EXOC2: variants seen among roughly 807,000 people sequenced by gnomAD.
EXOC2 encodes the protein SEC5-like 1.
EXOC2 carries 70 observed loss-of-function variants against 131.8 expected under a neutral mutation model. That is an observed-to-expected ratio of 0.53 (90% CI 0.44 to 0.65). The LOEUF (loss-of-function observed/expected upper bound fraction) is 0.65. Ranked by LOEUF, EXOC2 falls within the 30% of genes least tolerant of loss-of-function variation. EXOC2 has a pLI of 0.00. For missense variants in EXOC2, 923 were observed against 1,108.6 expected (o/e 0.83, Z 2.38); for synonymous variants, 411 against 398.4 (o/e 1.03, Z -0.38).
intron 7 of EXOC2, among the ~76,000 whole-genome samples, chr6:599,672 C>A (rs1760020051): frequency 6.6e-6 from 1 of 152,204 alleles, no homozygotes; most frequent in Admixed American, 6.5e-5. Context: ...AAATCATTTT[C>A]AGGAAAGTTG....
intron 2 of EXOC2, among the ~76,000 whole-genome samples, chr6:635,836 G>A (rs575101407): frequency 6.6e-6 from 1 of 152,382 alleles, no homozygotes; most frequent in African/African-American, 2.4e-5. Flanking sequence ...ACCGAGGCAG[G>A]CGGATCACGA....
intron 23 of EXOC2, among the ~76,000 whole-genome samples, chr6:527,372 C>CA (rs1765802792): frequency 6.6e-6 from 1 of 152,226 alleles, no homozygotes; most frequent in Admixed American, 6.5e-5. Context: ...AAAACATCTG[C>CA]AAGATACATT....
At chr6:598,740 G>T (rs2127640581) in intron 9 of EXOC2, 120 bp downstream of exon 9, 48 of 674,910 alleles carry the variant, frequency 7.1e-5, no homozygotes, top group Non-Finnish European at 8.5e-5. Flanking sequence ...GCTTTACATT[G>T]TAAAGAGAGC....
chr6:537,166 G>A (rs1052260015), intron 22 of EXOC2, among the ~76,000 whole-genome samples: 3 of 151,872 alleles, frequency 2.0e-5, no homozygotes, highest in Admixed American at 1.3e-4. Context: ...CCGACGGAGC[G>A]TACACTTGAG....
At chr6:596,233 A>C (rs1260493824) in intron 10 of EXOC2, among the ~76,000 whole-genome samples, 2 of 151,668 alleles carry the variant, frequency 1.3e-5, no homozygotes, top group Non-Finnish European at 2.9e-5. Flanking sequence ...CTCCTGGGCA[A>C]TACTAGTGTG....
intron 6 of EXOC2, among the ~76,000 whole-genome samples, chr6:612,508 C>T (rs911479487): frequency 3.9e-5 from 6 of 152,262 alleles, no homozygotes; most frequent in Admixed American, 3.9e-4. Flanking sequence ...AAACTGGTTA[C>T]GTAATCTGTG....
Position 662,204 on chromosome 6 carries a change from T to TG in EXOC2, c.-43-24344dup, listed in dbSNP as rs1182307722. Among the ~76,000 whole-genome samples, 75 of 152,012 alleles carry TG rather than the reference T, an allele frequency of 4.9e-4. 1 individual carries two copies. The highest frequency in any genetic ancestry group is 1.2e-4 in the Non-Finnish European group (8 of 67,974). The stretch of plus-strand genomic sequence containing the variant: ...GAGACAAACAGAAACACAATAATAG[T>TG]GGGGGACTTCAATACTCCACTGACA... On this transcript the variant is annotated intron_variant, in intron 1 of 27. Transcript: ENST00000230449.
intron 26 of EXOC2, 38 bp from the exon 27 acceptor site, chr6:489,076 C>T (rs768060601): frequency 6.2e-7 from 1 of 1,600,334 alleles, no homozygotes. Flanking sequence ...TGAAGCCTTG[C>T]ACAGGAGAAC....
At chr6:687,356 T>G (rs966334433) in intron 1 of EXOC2, among the ~76,000 whole-genome samples, 1 of 151,868 alleles carries the variant, frequency 6.6e-6, no homozygotes, top group African/African-American at 2.4e-5. Flanking sequence ...AACTTTTTTC[T>G]AATTTTTGTA....
intron 1 of EXOC2, among the ~76,000 whole-genome samples, chr6:691,672 C>T (rs1340475523): frequency 6.6e-6 from 1 of 152,200 alleles, no homozygotes; most frequent in Non-Finnish European, 1.5e-5. Context: ...TCAAAAGTTA[C>T]ATGGAAATTT....
intron 23 of EXOC2, among the ~76,000 whole-genome samples, chr6:501,706 T>C (rs1480838355): frequency 1.3e-4 from 17 of 130,154 alleles, no homozygotes; most frequent in Non-Finnish European, 9.6e-5. Context: ...TATATATCTC[T>C]ATATAAAAGA....
chr6:650,585 G>A (rs562439125), intron 1 of EXOC2, among the ~76,000 whole-genome samples: 1 of 152,300 alleles, frequency 6.6e-6, no homozygotes, highest in East Asian at 1.9e-4. Context: ...ACGTATCTCT[G>A]CAGATTAGGG....
At chr6:603,930 TA>T (rs1760253095) in intron 7 of EXOC2, among the ~76,000 whole-genome samples, 2 of 152,202 alleles carry the variant, frequency 1.3e-5, no homozygotes, top group Non-Finnish European at 2.9e-5. Context: ...GGACATACAA[TA>T]ATGACAGCTA....
intron 7 of EXOC2, among the ~76,000 whole-genome samples, chr6:609,370 G>A (rs898831229): frequency 2.0e-5 from 3 of 152,148 alleles, no homozygotes; most frequent in Non-Finnish European, 4.4e-5. Flanking sequence ...ATGCCCATGG[G>A]CATTCCTATC....
chr6:662,240 G>T (rs532219725), intron 1 of EXOC2, among the ~76,000 whole-genome samples: 2 of 152,242 alleles, frequency 1.3e-5, no homozygotes, highest in South Asian at 2.1e-4. Flanking sequence ...GCACTAGACT[G>T]GTCATCAAGA....
At chr6:658,645 T>TTATATATATATATATATTTTTTA (rs1763254121) in intron 1 of EXOC2, among the ~76,000 whole-genome samples, 1 of 118,348 alleles carries the variant, frequency 8.4e-6, no homozygotes, top group Non-Finnish European at 1.7e-5. Flanking sequence ...TATATATATT[T>TTATATATATATATATATTTTTTA]TATATATATA....
intron 19 of EXOC2, 140 bp downstream of exon 19, chr6:555,814 C>A: frequency 1.2e-6 from 1 of 818,418 alleles, no homozygotes; most frequent in Non-Finnish European, 1.9e-6. Flanking sequence ...ACCCACTTAC[C>A]TTAAACTATT....
chr6:567,860 G>A (rs1265044649), intron 13 of EXOC2, among the ~76,000 whole-genome samples: 4 of 152,204 alleles, frequency 2.6e-5, no homozygotes, highest in African/African-American at 9.6e-5. Context: ...ACATGAGAGT[G>A]GCCCCGGGAG....
At chr6:533,236 T>G (rs549109079) in intron 22 of EXOC2, among the ~76,000 whole-genome samples, 107 of 152,338 alleles carry the variant, frequency 7.0e-4, no homozygotes, top group Non-Finnish European at 1.3e-3. Context: ...TTGAAAATAC[T>G]AACCACTCAT....
Sources: gnomAD v4.1 joint callset for allele counts (sites outside exome capture counted in the v4.1 genomes callset) on GRCh38, gnomAD v4.1.1 for gene constraint, MANE v1.5 for transcripts, NCBI Gene and HGNC (gene_info 2026-07-23, HGNC 2026-07-21) for gene names.